Variants in MARK2 observed in about 807,000 individuals in gnomAD.
The protein encoded by MARK2 is serine/threonine-protein kinase MARK2.
Under a neutral mutation model 89.8 loss-of-function variants are expected in MARK2, and 16 were observed. The observed-to-expected ratio is 0.18, with a 90% CI of 0.12 to 0.27. The LOEUF is 0.27. MARK2 is among the 10% of genes least tolerant of loss of function. The probability of loss-of-function intolerance (pLI) is 1.00; values close to 1 mark genes in which losing one functional copy is unlikely to be tolerated. For missense variants in MARK2, 621 were observed against 1,049.9 expected (o/e 0.59, Z 5.65); for synonymous variants, 382 against 399.5 (o/e 0.96, Z 0.52).
chr11:63,850,315 A>ATTTTTTTT (rs34074167), intron 1 of MARK2, among the ~76,000 whole-genome samples: 412 of 95,716 alleles, frequency 4.3e-3, no homozygotes, highest in African/African-American at 0.011. Context: ...TACCTGGCTA[A>ATTTTTTTT]TTTTTTTTTT....
chr11:63,889,331 T>C (rs539105461), intron 1 of MARK2, among the ~76,000 whole-genome samples: 1 of 152,340 alleles, frequency 6.6e-6, no homozygotes, highest in South Asian at 2.1e-4. Context: ...CTATAGTGCC[T>C]GGCTTACTCT....
chr11:63,861,407 C>T (rs1937772459), intron 1 of MARK2, among the ~76,000 whole-genome samples: 1 of 152,114 alleles, frequency 6.6e-6, no homozygotes, highest in African/African-American at 2.4e-5. Flanking sequence ...TGCACTCCTG[C>T]CTGGGCGACA....
At chr11:63,899,346 G>A (rs1243501166) in intron 7 of MARK2, among the ~76,000 whole-genome samples, 2 of 151,912 alleles carry the variant, frequency 1.3e-5, no homozygotes, top group Non-Finnish European at 2.9e-5. Flanking sequence ...CTTGAGCAGG[G>A]GCCCTCTGCC....
intron 1 of MARK2, among the ~76,000 whole-genome samples, chr11:63,884,031 C>T (rs1345322999): frequency 2.6e-5 from 4 of 152,200 alleles, no homozygotes; most frequent in Admixed American, 2.6e-4. Flanking sequence ...GTGGGCAGAG[C>T]GACTATAGTA....
intron 1 of MARK2, among the ~76,000 whole-genome samples, chr11:63,863,487 CAG>C (rs1285823171): frequency 8.8e-6 from 1 of 113,154 alleles, no homozygotes; most frequent in Non-Finnish European, 1.7e-5. Flanking sequence ...TTTTTTGAGA[CAG>C]GGTTTCTCTC....
intron 1 of MARK2, among the ~76,000 whole-genome samples, chr11:63,891,496 C>T (rs753104205): frequency 2.6e-5 from 4 of 152,174 alleles, no homozygotes; most frequent in Admixed American, 6.6e-5. Flanking sequence ...GAGGGATGGG[C>T]AGAGCAGAGC....
rs56308004 is a variant in MARK2 at position 63,901,692 on chromosome 11, C to CTGTGTGTGTGTGTGTG, written c.1102-490_1102-475dup. 1.3e-4 allele frequency among the ~76,000 whole-genome samples: 17 copies of CTGTGTGTGTGTGTGTG among 134,806 alleles called. No homozygotes were observed. The East Asian group carries it at 2.6e-3, about 20-fold the overall frequency. 88.4% of individuals were successfully genotyped at this position (134,806 alleles called of 152,430 possible). A position where few individuals can be genotyped will look rare whatever the true frequency, so the allele number is the denominator to read the frequency against. On this transcript the variant is annotated intron_variant, in intron 11 of 18. Coordinates refer to ENST00000402010, the MANE Select transcript of MARK2 (RefSeq NM_001039469.3). ...GTGCTTTATGTTTGGGTGTGTGTATCTGTGTGTGTGTGTGTGTGTGTGTGT... is the reference window on the plus strand; with the variant it reads ...GTGCTTTATGTTTGGGTGTGTGTATCTGTGTGTGTGTGTGTGTGTGTGTGTGTGTGTGTGTGTGTGT...
rs71039681 is a variant in MARK2, at chr11:63,856,768, G to GTTTTTTTTTTTTTT, written c.54+17232_54+17245dup. On this transcript the variant is annotated intron_variant, in intron 1 of 18. Transcript: ENST00000402010. The stretch of plus-strand genomic sequence containing the variant: ...TTTTTTCCATTTTTAAATTTTTCAT[G>GTTTTTTTTTTTTTT]TTTTTTTTTTTTTTTTTTTTTTTTT... Among the ~76,000 whole-genome samples, 2 of 53,796 alleles carry GTTTTTTTTTTTTTT rather than the reference G, an allele frequency of 3.7e-5. 1 individual carries two copies. Among genetic ancestry groups the GTTTTTTTTTTTTTT allele is most frequent in the Non-Finnish European group, 6.5e-5 (2 of 30,958 alleles). 35.3% of individuals were successfully genotyped at this position (53,796 alleles called of 152,430 possible).
intron 1 of MARK2, among the ~76,000 whole-genome samples, chr11:63,882,976 C>A (rs998299727): frequency 6.6e-6 from 1 of 152,220 alleles, no homozygotes. Flanking sequence ...CCCCACCACC[C>A]CCATCCCCCA....
intron 16 of MARK2, among the ~76,000 whole-genome samples, chr11:63,905,608 G>C (rs1196085306): frequency 1.3e-5 from 2 of 152,240 alleles, no homozygotes; most frequent in Non-Finnish European, 2.9e-5. Flanking sequence ...ACTCCGATGT[G>C]CCAAAGGTTT....
intron 1 of MARK2, among the ~76,000 whole-genome samples, chr11:63,850,597 GA>G (rs1000635882): frequency 2.7e-5 from 4 of 150,070 alleles, no homozygotes; most frequent in African/African-American, 4.9e-5. Flanking sequence ...CTTGATTAAA[GA>G]AAAAAAAACA....
At chr11:63,864,356 G>A (rs1429715894) in intron 1 of MARK2, among the ~76,000 whole-genome samples, 2 of 150,542 alleles carry the variant, frequency 1.3e-5, no homozygotes, top group East Asian at 4.0e-4. Flanking sequence ...AGGTTCAAGC[G>A]ATTCTCCTGC....
chr11:63,855,530 A>AAC (rs201609256), intron 1 of MARK2, among the ~76,000 whole-genome samples: 2 of 151,408 alleles, frequency 1.3e-5, no homozygotes, highest in East Asian at 1.9e-4. Context: ...TCAAAAACAA[A>AAC]AAAAAAAAAA....
intron 1 of MARK2, among the ~76,000 whole-genome samples, chr11:63,843,970 G>A (rs1170282514): frequency 6.6e-6 from 1 of 152,122 alleles, no homozygotes; most frequent in Non-Finnish European, 1.5e-5. Context: ...AGTGTGCCCT[G>A]GTGCTAATTC....
At chr11:63,892,850 C>G (rs1940000867) in intron 1 of MARK2, among the ~76,000 whole-genome samples, 2 of 151,402 alleles carry the variant, frequency 1.3e-5, no homozygotes, top group Non-Finnish European at 2.9e-5. Flanking sequence ...CCGCCTCATC[C>G]TCCAGAGCAG....
intron 1 of MARK2, among the ~76,000 whole-genome samples, chr11:63,844,292 C>G (rs1383772137): frequency 6.6e-6 from 1 of 152,156 alleles, no homozygotes; most frequent in Non-Finnish European, 1.5e-5. Flanking sequence ...CCAGCCTGAT[C>G]AATAAAGTGA....
intron 1 of MARK2, among the ~76,000 whole-genome samples, chr11:63,870,602 G>T (rs1325212915): frequency 6.6e-6 from 1 of 152,188 alleles, no homozygotes; most frequent in Non-Finnish European, 1.5e-5. Context: ...TTTAGTCTTG[G>T]AAATTCCCTT....
rs1303659118 is a variant in MARK2, at chr11:63,906,153, G to A, written c.1961+39G>A. 9 of 1,287,596 alleles carry A rather than the reference G, an allele frequency of 7.0e-6. No homozygotes were observed. The Admixed American group carries it at 1.9e-4, about 27-fold the overall frequency. 79.8% of individuals were successfully genotyped at this position (1,287,596 alleles called of 1,614,324 possible). ...CCGCTGTGTGTGTGTGTGTGTGTGT[G>A]TGTCTGTGTCCTGTGTCCTGCCTCC... On this transcript the variant is annotated intron_variant, in intron 17 of 18. Transcript: ENST00000402010.
rs1940979363 is a variant in MARK2, at chr11:63,902,466, C to A, written c.1235-135C>A. On this transcript the variant is annotated intron_variant, in intron 12 of 18. Coordinates refer to ENST00000402010, the MANE Select transcript of MARK2 (RefSeq NM_001039469.3). This position sits in a 1 kb window ranked among gnomAD's most constrained non-coding sequence, Gnocchi z 4.2. The stretch of plus-strand genomic sequence containing the variant: ...ATTAGTAGTGTGGCTATGGGCAAGC[C>A]ACTTCCCTTCCCTCGCCTCTGTGGA... The A allele has an allele frequency of 3.6e-6, 5 of 1,391,196 alleles. No individual in the cohort carries two copies. In the East Asian group the frequency reaches 1.2e-4, roughly 33 times the overall value. The allele number at this position is 1,391,196 out of a possible 1,614,324, so 86.2% of individuals were successfully genotyped here.
Sources: gnomAD v4.1 joint callset for allele counts (sites outside exome capture counted in the v4.1 genomes callset) on GRCh38, gnomAD v4.1.1 for gene constraint, Gnocchi (gnomAD v3.1) non-coding constraint, MANE v1.5 for transcripts, NCBI Gene and HGNC (gene_info 2026-07-23, HGNC 2026-07-21) for gene names.